CPNE4: variants seen among roughly 807,000 people sequenced by gnomAD.
CPNE4 encodes the protein copine-4.
In CPNE4, 25 loss-of-function variants were observed where a neutral mutation model predicts 67.9. The ratio of observed to expected loss-of-function variants is 0.37; its 90% CI spans 0.27 to 0.51. CPNE4 has a LOEUF of 0.51. CPNE4 is among the 20% of genes least tolerant of loss of function. The pLI, the probability that CPNE4 is intolerant of heterozygous loss-of-function variation, is 0.93. For synonymous variants in CPNE4, 242 were observed against 244.9 expected (o/e 0.99, Z 0.11); for missense variants, 464 against 690.8 (o/e 0.67, Z 3.68).
At chr3:131,896,127 A>G (rs955041677) in intron 2 of CPNE4, among the ~76,000 whole-genome samples, 7 of 152,122 alleles carry the variant, frequency 4.6e-5, no homozygotes, top group Non-Finnish European at 2.9e-5. Context: ...CATAATAGCA[A>G]AGCTTTGAAA....
At chr3:131,804,919 C>G (rs1209143731) in intron 2 of CPNE4, among the ~76,000 whole-genome samples, 1 of 152,204 alleles carries the variant, frequency 6.6e-6, no homozygotes, top group Non-Finnish European at 1.5e-5. Context: ...CAACTAAGCA[C>G]AGCATAAATT....
At chr3:132,029,813 T>C (rs1449086403) in intron 1 of CPNE4, among the ~76,000 whole-genome samples, 2 of 152,262 alleles carry the variant, frequency 1.3e-5, no homozygotes, top group African/African-American at 4.8e-5. Context: ...AGTTTGTTCT[T>C]TTTGAATGAC....
chr3:132,033,916 G>A (rs1300610217), intron 1 of CPNE4, among the ~76,000 whole-genome samples: 1 of 152,112 alleles, frequency 6.6e-6, no homozygotes, highest in Non-Finnish European at 1.5e-5. Flanking sequence ...CTCCAGTCCC[G>A]TCCCCTGTCC....
At chr3:131,736,457 T>C (rs2082235510) in intron 2 of CPNE4, among the ~76,000 whole-genome samples, 1 of 151,262 alleles carries the variant, frequency 6.6e-6, no homozygotes, top group Admixed American at 6.6e-5. Flanking sequence ...TCGTCTCTAC[T>C]AAAAATACAA....
chr3:131,633,912 T>G (rs1208507304), intron 7 of CPNE4, among the ~76,000 whole-genome samples: 1 of 152,190 alleles, frequency 6.6e-6, no homozygotes, highest in African/African-American at 2.4e-5. Flanking sequence ...GAGGATTACA[T>G]TATTTAAATT....
chr3:132,010,606 G>C (rs1274668025), intron 1 of CPNE4, among the ~76,000 whole-genome samples: 1 of 152,046 alleles, frequency 6.6e-6, no homozygotes, highest in African/African-American at 2.4e-5. Flanking sequence ...CAGTGGCCAG[G>C]CATAACCCCA....
chr3:131,926,744 A>G (rs1340897407), intron 1 of CPNE4, among the ~76,000 whole-genome samples: 2 of 152,158 alleles, frequency 1.3e-5, no homozygotes, highest in Non-Finnish European at 2.9e-5. Context: ...CAGTCTCCCA[A>G]TTTTGAGTGA....
At chr3:131,681,711 T>C (rs1170464312) in intron 6 of CPNE4, among the ~76,000 whole-genome samples, 2 of 152,126 alleles carry the variant, frequency 1.3e-5, no homozygotes, top group East Asian at 1.9e-4. Flanking sequence ...TTGAATAAAC[T>C]TTCCACCCTT....
chr3:131,919,443 C>A (rs950507750), intron 1 of CPNE4, among the ~76,000 whole-genome samples: 22 of 152,078 alleles, frequency 1.4e-4, no homozygotes, highest in Non-Finnish European at 2.8e-4. Flanking sequence ...ACAAAATAGG[C>A]TAAATACAAA....
intron 2 of CPNE4, among the ~76,000 whole-genome samples, chr3:131,827,514 G>T (rs975177630): frequency 6.6e-6 from 1 of 152,078 alleles, no homozygotes; most frequent in African/African-American, 2.4e-5. Context: ...ACAGCAAGAT[G>T]TGAAACATTT....
chr3:131,904,087 A>G (rs2107772450), intron 2 of CPNE4, among the ~76,000 whole-genome samples: 1 of 152,290 alleles, frequency 6.6e-6, no homozygotes, highest in South Asian at 2.1e-4. Flanking sequence ...ATGTCATTCC[A>G]TTCACACCAC....
At chr3:131,977,071 A>T (rs893286479) in intron 1 of CPNE4, among the ~76,000 whole-genome samples, 2 of 152,188 alleles carry the variant, frequency 1.3e-5, no homozygotes, top group Non-Finnish European at 2.9e-5. Flanking sequence ...AAGTGCTGGG[A>T]TTACAGGCAT....
intron 1 of CPNE4, among the ~76,000 whole-genome samples, chr3:131,966,378 G>A (rs145433807): frequency 6.6e-6 from 1 of 152,028 alleles, no homozygotes; most frequent in African/African-American, 2.4e-5. Flanking sequence ...AGACAGAGCA[G>A]AACTGAAGGA....
At chr3:131,768,392 T>G (rs1035392218) in intron 2 of CPNE4, among the ~76,000 whole-genome samples, 4 of 152,158 alleles carry the variant, frequency 2.6e-5, no homozygotes, top group Non-Finnish European at 5.9e-5. Flanking sequence ...AGAATGAATC[T>G]ATCCATTGGG....
intron 7 of CPNE4, among the ~76,000 whole-genome samples, chr3:131,598,875 A>G (rs553853244): frequency 1.4e-4 from 20 of 140,436 alleles, no homozygotes; most frequent in Non-Finnish European, 1.5e-5. Flanking sequence ...AAAATTACCC[A>G]AAGTGGTCCA....
chr3:131,782,687 T>A (rs2083458301), intron 2 of CPNE4, among the ~76,000 whole-genome samples: 1 of 152,130 alleles, frequency 6.6e-6, no homozygotes, highest in Non-Finnish European at 1.5e-5. Context: ...TAGGGAATGA[T>A]GATGAATAGA....
chr3:132,030,580 T>C (rs1305587210), intron 1 of CPNE4, among the ~76,000 whole-genome samples: 5 of 152,210 alleles, frequency 3.3e-5, no homozygotes, highest in African/African-American at 1.2e-4. Context: ...CTTATCACTT[T>C]CTTATTTTTG....
intron 1 of CPNE4, among the ~76,000 whole-genome samples, chr3:131,954,943 C>G (rs1029499711): frequency 6.7e-6 from 1 of 149,100 alleles, no homozygotes; most frequent in Non-Finnish European, 1.5e-5. Context: ...GTGAACAGTG[C>G]CGCAATAAAC....
chr3:131,775,416 G>GGGGAT (rs2083268740), intron 2 of CPNE4, among the ~76,000 whole-genome samples: 1 of 152,096 alleles, frequency 6.6e-6, no homozygotes, highest in Non-Finnish European at 1.5e-5. Context: ...GAAAGAGAAA[G>GGGGAT]GGGATAGGTA....
Sources: allele counts gnomAD v4.1 joint callset (sites outside exome capture counted in the v4.1 genomes callset), GRCh38; gene constraint gnomAD v4.1.1; transcripts MANE v1.5; gene names NCBI Gene and HGNC (gene_info 2026-07-23, HGNC 2026-07-21).